Variants in HTR1F observed in about 807,000 individuals in gnomAD.
HTR1F encodes the protein 5-hydroxytryptamine (serotonin) receptor 1F, G protein-coupled.
Under a neutral mutation model 24.0 loss-of-function variants are expected in HTR1F, and 17 were observed. The observed-to-expected ratio is 0.71, with a 90% confidence interval of 0.48 to 1.06. The LOEUF (loss-of-function observed/expected upper bound fraction) is 1.06. Among genes scored for constraint, HTR1F ranks in the 50% least tolerant of loss-of-function variants. HTR1F has a pLI of 0.00. For synonymous variants in HTR1F, 186 were observed against 156.8 expected, an observed-to-expected ratio of 1.19 and a Z score of -1.39; for missense variants, 391 against 427.8, an observed-to-expected ratio of 0.91 and a Z score of 0.76.
chr3:87,878,348 T>C (rs1705714858), intron 2 of HTR1F, among the ~76,000 whole-genome samples: 1 of 152,122 alleles, frequency 6.6e-6, no homozygotes, highest in African/African-American at 2.4e-5. Context: ...AGAAGCCTGG[T>C]AGACCCAGGA....
chr3:87,952,603 T>C (rs1346058860), intron 2 of HTR1F, among the ~76,000 whole-genome samples: 2 of 152,040 alleles, frequency 1.3e-5, no homozygotes, highest in East Asian at 3.8e-4. Flanking sequence ...TATCTTCACG[T>C]AGAAATTTAA....
chr3:87,845,772 A>T (rs998476680), intron 2 of HTR1F, among the ~76,000 whole-genome samples: 1 of 152,000 alleles, frequency 6.6e-6, no homozygotes, highest in African/African-American at 2.4e-5. Context: ...ACAAACTGAC[A>T]AAACAACAAC....
At chr3:87,854,922 G>T (rs752247181) in intron 2 of HTR1F, among the ~76,000 whole-genome samples, 82 of 151,892 alleles carry the variant, frequency 5.4e-4, no homozygotes, top group Admixed American at 9.9e-4. Context: ...AATATTTTTT[G>T]TTGTTGTTGT....
intron 2 of HTR1F, among the ~76,000 whole-genome samples, chr3:87,894,800 T>G (rs759432732): frequency 6.6e-6 from 1 of 151,956 alleles, no homozygotes; most frequent in Non-Finnish European, 1.5e-5. Context: ...CACATGAGGA[T>G]TAAGAGAGTT....
chr3:87,955,060 A>C (rs1158343741), intron 2 of HTR1F, among the ~76,000 whole-genome samples: 1 of 151,336 alleles, frequency 6.6e-6, no homozygotes, highest in Non-Finnish European at 1.5e-5. Flanking sequence ...TACTTTATTG[A>C]GGAATAATTT....
In HTR1F at chr3:87,991,578, T is replaced by C. The variant is rs1351580316; in HGVS notation, c.829T>C (p.Ser277Pro). ...CAGGTCTGAATTCAAGCATGAGAAA[T>C]CTTGGAGAAGGCAAAAGATCTCAGG... is the stretch of plus-strand genomic sequence containing the variant. ...SLRSEFKHEK[S>P]WRRQKISGTR... The change falls in exon 3 of 3, where the codon TCT (serine) becomes CCT (proline). Residue 277 changes from serine (S) to proline (P), a missense_variant. Coordinates refer to ENST00000319595, the MANE Select transcript of HTR1F (RefSeq NM_001322209.2). 4 of 1,613,944 alleles carry C rather than the reference T, an allele frequency of 2.5e-6. No homozygotes were observed. The African/African-American group carries it at 5.3e-5, about 22-fold the overall frequency.
intron 2 of HTR1F, among the ~76,000 whole-genome samples, chr3:87,931,026 C>CTTTTTTTTTTTTTTTTTTTTTTCTTTTTT (rs34617109): frequency 7.6e-6 from 1 of 131,834 alleles, no homozygotes; most frequent in Non-Finnish European, 1.6e-5. Context: ...ATAGTCTTTC[C>CTTTTTTTTTTTTTTTTTTTTTTCTTTTTT]TTTTTTTTTT....
At chr3:87,813,956 T>C (rs971541840) in intron 1 of HTR1F, among the ~76,000 whole-genome samples, 12 of 152,156 alleles carry the variant, frequency 7.9e-5, no homozygotes, top group Non-Finnish European at 1.6e-4. Flanking sequence ...TACCCAGTCT[T>C]GTGCAGATTT....
chr3:87,910,679 T>C (rs1703759337), intron 2 of HTR1F, among the ~76,000 whole-genome samples: 2 of 151,898 alleles, frequency 1.3e-5, no homozygotes, highest in Admixed American at 6.6e-5. Flanking sequence ...ATTCTTCCCA[T>C]CACTATATGG....
chr3:87,906,593 T>G (rs1434364614), intron 2 of HTR1F, among the ~76,000 whole-genome samples: 3 of 152,060 alleles, frequency 2.0e-5, no homozygotes, highest in Admixed American at 1.3e-4. Flanking sequence ...TTTGGTTACA[T>G]GAATAAGTTC....
chr3:87,883,529 C>G (rs1705860320), intron 2 of HTR1F, among the ~76,000 whole-genome samples: 1 of 152,108 alleles, frequency 6.6e-6, no homozygotes, highest in Non-Finnish European at 1.5e-5. Context: ...TTTCTCCAAG[C>G]TAAAGGAGGA....
chr3:87,795,786 AC>A (rs1406118462), intron 1 of HTR1F, among the ~76,000 whole-genome samples: 3 of 152,326 alleles, frequency 2.0e-5, no homozygotes, highest in Admixed American at 2.0e-4. Flanking sequence ...GACATCTGAA[AC>A]AGACATGATC....
intron 2 of HTR1F, among the ~76,000 whole-genome samples, chr3:87,952,091 T>C (rs1704846066): frequency 1.3e-5 from 2 of 151,868 alleles, no homozygotes; most frequent in African/African-American, 4.8e-5. Flanking sequence ...TTGGTTGAGA[T>C]TTTTTTTCAA....
intron 2 of HTR1F, among the ~76,000 whole-genome samples, chr3:87,892,676 T>C (rs1399483626): frequency 6.6e-6 from 1 of 152,200 alleles, no homozygotes; most frequent in Non-Finnish European, 1.5e-5. Context: ...TTAGATTCAC[T>C]TGTGGTTTTA....
intron 2 of HTR1F, among the ~76,000 whole-genome samples, chr3:87,848,778 T>C (rs912592767): frequency 2.0e-5 from 3 of 151,576 alleles, no homozygotes; most frequent in African/African-American, 7.3e-5. Flanking sequence ...ACAAAACCAA[T>C]GTGCAAAAAT....
At chr3:87,828,253 A>C (rs1319090227) in intron 2 of HTR1F, among the ~76,000 whole-genome samples, 1 of 152,212 alleles carries the variant, frequency 6.6e-6, no homozygotes, top group Non-Finnish European at 1.5e-5. Flanking sequence ...CAAAATGAGG[A>C]ACTTATATTT....
intron 2 of HTR1F, among the ~76,000 whole-genome samples, chr3:87,862,455 G>A (rs1705337944): frequency 6.6e-6 from 1 of 152,142 alleles, no homozygotes; most frequent in Non-Finnish European, 1.5e-5. Context: ...TTACCATCTT[G>A]TATCTTACCT....
intron 2 of HTR1F, among the ~76,000 whole-genome samples, chr3:87,895,468 G>T (rs546175545): frequency 1.1e-3 from 165 of 151,930 alleles, no homozygotes; most frequent in African/African-American, 3.9e-3. Context: ...AAATAATATT[G>T]ATGGGATACC....
At chr3:87,853,384 C>T (rs368692755) in intron 2 of HTR1F, among the ~76,000 whole-genome samples, 1 of 152,044 alleles carries the variant, frequency 6.6e-6, no homozygotes, top group Non-Finnish European at 1.5e-5. Flanking sequence ...CATCCATGTT[C>T]CTGCAAAGGA....
Sources: allele counts gnomAD v4.1 joint callset (sites outside exome capture counted in the v4.1 genomes callset), GRCh38; gene constraint gnomAD v4.1.1; transcripts MANE v1.5; gene names NCBI Gene and HGNC (gene_info 2026-07-23, HGNC 2026-07-21).